XIRP2: variants seen among roughly 807,000 people sequenced by gnomAD.
The protein encoded by XIRP2 is xin actin binding repeat containing 2, also known as xin actin-binding repeat-containing protein 2.
Under a neutral mutation model 277.0 loss-of-function variants are expected in XIRP2, and 236 were observed. The ratio of observed to expected loss-of-function variants is 0.85; its 90% CI spans 0.77 to 0.95. XIRP2 has a LOEUF of 0.95. Among genes scored for constraint, XIRP2 ranks in the 40% least tolerant of loss-of-function variants. XIRP2 has a pLI of 0.00. For missense variants in XIRP2, 4,640 were observed against 4,157.5 expected, an observed-to-expected ratio of 1.12 and a Z score of -3.19; for synonymous variants, 1,490 against 1,416.5, an observed-to-expected ratio of 1.05 and a Z score of -1.17.
At chr2:167,106,667 A>G (rs1690627104) in intron 2 of XIRP2, among the ~76,000 whole-genome samples, 1 of 151,666 alleles carries the variant, frequency 6.6e-6, no homozygotes, top group Admixed American at 6.6e-5. Context: ...TTAGCTATGT[A>G]CTTTCTTTGC....
At chr2:167,152,953 A>T (rs1458986975) in intron 3 of XIRP2, among the ~76,000 whole-genome samples, 1 of 152,100 alleles carries the variant, frequency 6.6e-6, no homozygotes, top group Non-Finnish European at 1.5e-5. Flanking sequence ...GCTCCCCCAA[A>T]TGCAAACTTT....
Position 167,155,199 on chromosome 2 carries a change from C to T in XIRP2, c.562+19137C>T, listed in dbSNP as rs938370663. Among the ~76,000 whole-genome samples the T allele has an allele frequency of 3.3e-5, 5 of 150,760 alleles. 1 individual carries two copies. The highest frequency in any genetic ancestry group is 1.2e-4 in the African/African-American group (5 of 40,984). ...GGAACTGGTACCATTCCTTCTGAAA[C>T]TATTCCAATCAATAGAAAAAGAGGG... On this transcript the variant is annotated intron_variant, in intron 3 of 10. Transcript: ENST00000409195.
rs376334044 is a variant in XIRP2 at position 167,034,099 on chromosome 2, G to A, written c.409-101810G>A. 7.6e-4 allele frequency among the ~76,000 whole-genome samples: 116 copies of A among 152,106 alleles called. 1 individual carries two copies. Among genetic ancestry groups the A allele is most frequent in the African/African-American group, 2.7e-3 (114 of 41,526 alleles). ...TTTCAAGACATAAACAATATAATAA[G>A]GTATAAATAGAAACCATAAAAAGTT... On this transcript the variant is annotated intron_variant, in intron 2 of 10. Coordinates refer to ENST00000409195, the MANE Select transcript of XIRP2 (RefSeq NM_152381.6).
At chr2:167,032,413 C>T (rs191819982) in intron 2 of XIRP2, among the ~76,000 whole-genome samples, 235 of 152,136 alleles carry the variant, frequency 1.5e-3, no homozygotes, top group African/African-American at 5.2e-3. Context: ...ACTAAAACAC[C>T]AAAAGCAACT....
intron 9 of XIRP2, 47 bp from the exon 10 acceptor site, chr2:167,253,985 T>A (rs1695588348): frequency 6.6e-7 from 1 of 1,520,554 alleles, no homozygotes; most frequent in Admixed American, 2.2e-5. Context: ...TTTTACAATA[T>A]GATTGAAGAT....
chr2:166,925,017 C>T (rs1214237258), intron 2 of XIRP2, among the ~76,000 whole-genome samples: 2 of 151,984 alleles, frequency 1.3e-5, no homozygotes, highest in Non-Finnish European at 2.9e-5. Context: ...CTCTTTCTTA[C>T]CCCTGAATAC....
rs535293308 is a variant in XIRP2, at chr2:167,035,322, C to G, written c.409-100587C>G. Reference sequence around the variant, plus strand: ...GGGAAAGTTTGGAACTTCCTAGAGACTTGTTGAATGCCTTTGTTGAAAATG... The same window carrying G: ...GGGAAAGTTTGGAACTTCCTAGAGAGTTGTTGAATGCCTTTGTTGAAAATG... On this transcript the variant is annotated intron_variant, in intron 2 of 10. Coordinates refer to ENST00000409195, the MANE Select transcript of XIRP2 (RefSeq NM_152381.6). 2.1e-4 allele frequency among the ~76,000 whole-genome samples: 32 copies of G among 152,274 alleles called. No homozygotes were observed. The East Asian group carries it at 6.2e-3, about 29-fold the overall frequency.
chr2:167,153,233 T>C (rs754684117), intron 3 of XIRP2, among the ~76,000 whole-genome samples: 10 of 152,098 alleles, frequency 6.6e-5, no homozygotes, highest in African/African-American at 1.9e-4. Flanking sequence ...TATGATACTA[T>C]AGTTGAGCAC....
In XIRP2 at chr2:166,914,828, A is replaced by AT. The variant is rs1435005507; in HGVS notation, c.408+10945dup. 5.3e-5 allele frequency among the ~76,000 whole-genome samples: 8 copies of AT among 152,016 alleles called. No homozygotes were observed. In the South Asian group the frequency reaches 6.2e-4, roughly 12 times the overall value. ...TCCATATTTCAAAGTCAGGTCTTTG[A>AT]TTTTTTTCTATTTGTAGTTAGTAGT... On this transcript the variant is annotated intron_variant, in intron 2 of 10. Coordinates refer to ENST00000409195, the MANE Select transcript of XIRP2 (RefSeq NM_152381.6).
At chr2:167,044,846 G>A (rs1281661691) in intron 2 of XIRP2, among the ~76,000 whole-genome samples, 3 of 151,648 alleles carry the variant, frequency 2.0e-5, no homozygotes, top group African/African-American at 4.8e-5. Flanking sequence ...GTACAGATTC[G>A]ATGCTATTCC....
chr2:167,096,446 T>C (rs1032894941), intron 2 of XIRP2, among the ~76,000 whole-genome samples: 2 of 152,188 alleles, frequency 1.3e-5, no homozygotes, highest in Non-Finnish European at 2.9e-5. Flanking sequence ...TCTTTTATTC[T>C]TTATTAGTCT....
chr2:166,946,992 C>T (rs571038920), intron 2 of XIRP2, among the ~76,000 whole-genome samples: 1 of 152,030 alleles, frequency 6.6e-6, no homozygotes, highest in South Asian at 2.1e-4. Context: ...AGGCATAGCC[C>T]CCACATTGTA....
chr2:167,016,652 A>G (rs2105478513), intron 2 of XIRP2, among the ~76,000 whole-genome samples: 1 of 152,098 alleles, frequency 6.6e-6, no homozygotes, highest in South Asian at 2.1e-4. Flanking sequence ...GGTAGAATCA[A>G]ACGAAAAGAT....
intron 3 of XIRP2, chr2:167,184,655 T>C: frequency 7.0e-6 from 5 of 715,570 alleles, no homozygotes; most frequent in South Asian, 1.5e-5. Context: ...GGTTCTCGTC[T>C]TTCTTGAATT....
At chr2:167,037,696 G>C (rs1688549482) in intron 2 of XIRP2, among the ~76,000 whole-genome samples, 2 of 151,712 alleles carry the variant, frequency 1.3e-5, no homozygotes, top group African/African-American at 4.8e-5. Flanking sequence ...TCAAAGCTTT[G>C]TACTAAAATA....
chr2:166,925,607 A>ATATATATATACATATAAG (rs1553470462), intron 2 of XIRP2, among the ~76,000 whole-genome samples: 3 of 141,552 alleles, frequency 2.1e-5, no homozygotes, highest in African/African-American at 8.2e-5. Context: ...ATATATATAT[A>ATATATATATACATATAAG]TATATATATA....
intron 3 of XIRP2, among the ~76,000 whole-genome samples, chr2:167,144,699 T>C (rs1691817411): frequency 6.6e-6 from 1 of 152,134 alleles, no homozygotes; most frequent in African/African-American, 2.4e-5. Flanking sequence ...ATGTCATCAC[T>C]TCACAATACT....
At chr2:167,104,433 C>A (rs1326136128) in intron 2 of XIRP2, among the ~76,000 whole-genome samples, 1 of 152,064 alleles carries the variant, frequency 6.6e-6, no homozygotes, top group Non-Finnish European at 1.5e-5. Flanking sequence ...CAATTTACAT[C>A]ACATACACCA....
In XIRP2 at chr2:167,249,713, C is replaced by T. The variant is rs764833999; in HGVS notation, c.8321C>T (p.Pro2774Leu). 3 of 1,613,270 alleles carry T rather than the reference C, an allele frequency of 1.9e-6. No homozygotes were observed. Among genetic ancestry groups the T allele is most frequent in the South Asian group, 1.1e-5 (1 of 91,040 alleles). The change falls in exon 9 of 11, where the codon CCT becomes CTT. Residue 2774 changes from proline to leucine, a missense_variant. Transcript: ENST00000409195. The part of the protein sequence containing the change: ...QSLAERHYQL[P>L]KKEKRVTVQL... ...CTGGCTGAAAGACATTATCAGTTAC[C>T]TAAGAAGGAGAAAAGAGTGACAGTA...
Sources: allele counts gnomAD v4.1 joint callset (sites outside exome capture counted in the v4.1 genomes callset), GRCh38; gene constraint gnomAD v4.1.1; transcripts MANE v1.5; gene names NCBI Gene and HGNC (gene_info 2026-07-23, HGNC 2026-07-21).